The following UBE2B variants were observed in gnomAD, a reference collection of about 807,000 sequenced individuals.
UBE2B encodes the protein ubiquitin conjugating enzyme E2 B, also known as ubiquitin-conjugating enzyme E2 B.
UBE2B carries 11 observed loss-of-function variants against 24.6 expected under a neutral mutation model. The observed-to-expected ratio is 0.45, with a 90% CI of 0.28 to 0.74. The LOEUF (loss-of-function observed/expected upper bound fraction) is 0.74. Ranked by LOEUF, UBE2B falls within the 30% of genes least tolerant of loss-of-function variation. The pLI, the probability that UBE2B is intolerant of heterozygous loss-of-function variation, is 0.13. For missense variants in UBE2B, 78 were observed against 185.6 expected, an observed-to-expected ratio of 0.42 and a Z score of 3.37; for synonymous variants, 68 against 62.4, an observed-to-expected ratio of 1.09 and a Z score of -0.42.
intron 4 of UBE2B, among the ~76,000 whole-genome samples, chr5:134,384,815 A>G (rs756527697): frequency 1.3e-5 from 2 of 152,184 alleles, no homozygotes; most frequent in Non-Finnish European, 2.9e-5. Flanking sequence ...AAAAAGCCCC[A>G]TAACTATTAT....
intron 1 of UBE2B, among the ~76,000 whole-genome samples, chr5:134,372,174 C>T (rs1218797819): frequency 1.3e-5 from 2 of 152,194 alleles, no homozygotes; most frequent in Non-Finnish European, 2.9e-5. Flanking sequence ...TTAACCCATC[C>T]CCCGAAACCC....
rs1024458824 is a variant in UBE2B at position 134,377,622 on chromosome 5, T to G, written c.151+928T>G. Among the ~76,000 whole-genome samples, 3 of 151,412 alleles carry G rather than the reference T, an allele frequency of 2.0e-5. No individual in the cohort carries two copies. In the South Asian group the frequency reaches 6.3e-4, roughly 32 times the overall value. ...TACCAGTGATTATCTGTGGGGGGGG[T>G]AAGGAGTTGAAGGAGGTACTTAAGG... On this transcript the variant is annotated intron_variant, in intron 3 of 5. Coordinates refer to ENST00000265339, the MANE Select transcript of UBE2B (RefSeq NM_003337.4).
intron 3 of UBE2B, among the ~76,000 whole-genome samples, chr5:134,378,590 A>C: frequency 6.6e-6 from 1 of 152,204 alleles, no homozygotes; most frequent in African/African-American, 2.4e-5. Flanking sequence ...GATATGAAGT[A>C]GAATGTATGA....
At chr5:134,385,898 A>G (rs910853682) in intron 4 of UBE2B, among the ~76,000 whole-genome samples, 15 of 152,102 alleles carry the variant, frequency 9.9e-5, no homozygotes, top group African/African-American at 3.6e-4. Flanking sequence ...CTGTAATCCC[A>G]CCTACTTGGG....
At chr5:134,374,528 C>T in intron 2 of UBE2B, 65 bp downstream of exon 2, 2 of 1,498,936 alleles carry the variant, frequency 1.3e-6, no homozygotes, top group Non-Finnish European at 1.8e-6. Context: ...AAACATATAA[C>T]AACTGTCTAG....
intron 4 of UBE2B, chr5:134,385,466 G>C (rs1244533073): frequency 6.6e-6 from 1 of 152,172 alleles, no homozygotes; most frequent in Non-Finnish European, 1.5e-5. Context: ...AATGGTATCT[G>C]TAACATTTAA....
chr5:134,380,002 G>A (rs143251266), intron 3 of UBE2B, among the ~76,000 whole-genome samples: 1,681 of 151,300 alleles, frequency 0.011, 42 homozygotes, highest in African/African-American at 0.039. Context: ...AGCAACCTCC[G>A]CCTCCCAGGT....
At chr5:134,372,949 C>G (rs1030203043) in intron 1 of UBE2B, among the ~76,000 whole-genome samples, 1 of 152,188 alleles carries the variant, frequency 6.6e-6, no homozygotes, top group African/African-American at 2.4e-5. Flanking sequence ...TTGATTAGCA[C>G]TCATGACAAA....
At position 134,390,573 on chromosome 5, in the gene UBE2B, A is replaced by T. The variant is rs1758884131; in HGVS notation, c.*220A>T. 4 of 495,048 alleles carry T rather than the reference A, an allele frequency of 8.1e-6. No homozygotes were observed. Among genetic ancestry groups the T allele is most frequent in the Non-Finnish European group, 1.4e-5 (4 of 279,898 alleles). The allele number at this position is 495,048 out of a possible 1,614,324, so 30.7% of individuals were successfully genotyped here. On this transcript the variant is annotated 3_prime_UTR_variant, in exon 6 of 6. Coordinates refer to ENST00000265339, the MANE Select transcript of UBE2B (RefSeq NM_003337.4). The surrounding 1 kb of genome is among the most constrained non-coding windows in gnomAD (Gnocchi z 4.6). ...TTATTGCTGCATAAATTTGTAATAT[A>T]TCCTGTTTGTATTTTTTTCCAAGTG...
chr5:134,376,342 A>ACATATATATATATATATATATATAT, intron 2 of UBE2B, among the ~76,000 whole-genome samples: 1 of 6,686 alleles, frequency 1.5e-4, no homozygotes, highest in East Asian at 3.7e-3. Flanking sequence ...AAAAAAAAAA[A>ACATATATATATATATATATATATAT]AAAAAAATAT....
chr5:134,376,131 C>T (rs1008070531), intron 2 of UBE2B, among the ~76,000 whole-genome samples: 3 of 149,724 alleles, frequency 2.0e-5, no homozygotes, highest in Non-Finnish European at 4.4e-5. Flanking sequence ...GTCAGGAGTT[C>T]GAAACCAGCC....
intron 5 of UBE2B, chr5:134,388,939 TTTAA>T (rs140841536): frequency 0.085 from 29,535 of 348,188 alleles, 1,822 homozygotes; most frequent in African/African-American, 0.19. Context: ...CTCACACTTC[TTTAA>T]TTGTTTTTTT....
chr5:134,376,187 A>G (rs758257104), intron 2 of UBE2B, among the ~76,000 whole-genome samples: 6 of 149,554 alleles, frequency 4.0e-5, no homozygotes, highest in Non-Finnish European at 8.9e-5. Flanking sequence ...TACAAAAATT[A>G]GCCAGGCATC....
intron 5 of UBE2B, among the ~76,000 whole-genome samples, chr5:134,389,292 C>T (rs1380271287): frequency 6.6e-6 from 1 of 152,112 alleles, no homozygotes; most frequent in Non-Finnish European, 1.5e-5. Context: ...CTTCCTATCT[C>T]ATTCTCTTCC....
At chr5:134,383,325 GTTGAGAAAAACACTTGCTGTGTC>G (rs1758741159) in intron 4 of UBE2B, among the ~76,000 whole-genome samples, 1 of 151,830 alleles carries the variant, frequency 6.6e-6, no homozygotes, top group African/African-American at 2.4e-5. Context: ...TTTTTTTGTT[GTTGAGAAAAACACTTGCTGTGTC>G]ACACAGGCTG....
chr5:134,388,389 A>G lies in UBE2B; in HGVS notation c.306A>G (p.Val102=), dbSNP rs142325838. ...ATCGATGGAGTCCAACATATGATGTATCTTCTATCTTAACATCAATTCAGG... is the reference window on the plus strand; with the variant it reads ...ATCGATGGAGTCCAACATATGATGTGTCTTCTATCTTAACATCAATTCAGG... ...LQNRWSPTYD[V]SSILTSIQSL... is the part of the protein sequence containing the mutation. The change falls in exon 5 of 6, where the codon GTA becomes GTG. Residue 102 remains valine, a synonymous_variant. Transcript: ENST00000265339. The G allele has an allele frequency of 1.5e-4, 250 of 1,613,970 alleles. No homozygotes were observed. In the African/African-American group the frequency reaches 3.1e-3, roughly 20 times the overall value.
intron 4 of UBE2B, among the ~76,000 whole-genome samples, chr5:134,387,875 T>C (rs1758832361): frequency 6.6e-6 from 1 of 152,182 alleles, no homozygotes; most frequent in Admixed American, 6.5e-5. Context: ...TGATCTCAGC[T>C]CACTGCAACC....
chr5:134,379,195 G>T (rs558388347), intron 3 of UBE2B, among the ~76,000 whole-genome samples: 4 of 152,128 alleles, frequency 2.6e-5, no homozygotes, highest in South Asian at 4.1e-4. Flanking sequence ...GGTAAAACAC[G>T]TATGTGAAGT....
In UBE2B at chr5:134,392,019, G is replaced by C. The variant is rs1473401635; in HGVS notation, c.*1666G>C. The C allele has an allele frequency of 6.6e-6, 1 of 152,102 alleles. No homozygotes were observed. The highest frequency in any genetic ancestry group is 2.4e-5 in the African/African-American group (1 of 41,408). The allele number at this position is 152,102 out of a possible 1,614,324, so 9.4% of individuals were successfully genotyped here. A position where few individuals can be genotyped will look rare whatever the true frequency, so the allele number is the denominator to read the frequency against. ...TCTGAGGTAAGTGTATGATCTTAGG[G>C]AACTTTGATACAAATGGGAATTCAC... On this transcript the variant is annotated 3_prime_UTR_variant, in exon 6 of 6. Coordinates refer to ENST00000265339, the MANE Select transcript of UBE2B (RefSeq NM_003337.4).
Sources: gnomAD v4.1 joint callset for allele counts (sites outside exome capture counted in the v4.1 genomes callset) on GRCh38, gnomAD v4.1.1 for gene constraint, Gnocchi (gnomAD v3.1) non-coding constraint, MANE v1.5 for transcripts, NCBI Gene and HGNC (gene_info 2026-07-23, HGNC 2026-07-21) for gene names.